The following RIPK1 variants were observed in gnomAD, a reference collection of about 807,000 sequenced individuals.
The protein encoded by RIPK1 is receptor interacting serine/threonine kinase 1, also known as receptor-interacting serine/threonine-protein kinase 1.
RIPK1 carries 27 observed loss-of-function variants against 62.4 expected under a neutral mutation model. The ratio of observed to expected loss-of-function variants is 0.43; its 90% CI spans 0.32 to 0.60. The LOEUF (loss-of-function observed/expected upper bound fraction) is 0.60. RIPK1 is among the 20% of genes least tolerant of loss of function. The pLI is 0.07. For missense variants in RIPK1, 735 were observed against 831.0 expected, an observed-to-expected ratio of 0.88 and a Z score of 1.42; for synonymous variants, 287 against 303.2, an observed-to-expected ratio of 0.95 and a Z score of 0.55.
At chr6:3,069,502 C>T (rs1228285100) in intron 1 of RIPK1, among the ~76,000 whole-genome samples, 1 of 152,202 alleles carries the variant, frequency 6.6e-6, no homozygotes, top group Non-Finnish European at 1.5e-5. Flanking sequence ...TTAGTTCTTT[C>T]TCTCTTGCTG....
At position 3,080,971 on chromosome 6, in the gene RIPK1, T is replaced by G; in HGVS notation, c.322-8T>G. The G allele has an allele frequency of 6.2e-7, 1 of 1,612,484 alleles. No homozygotes were observed. The highest frequency in any genetic ancestry group is 8.5e-7 in the Non-Finnish European group (1 of 1,179,116). On this transcript the variant is annotated splice_polypyrimidine_tract_variant and splice_region_variant and intron_variant, in intron 3 of 10. Transcript: ENST00000259808. Reference sequence around the variant, plus strand: ...TCCATTTCATAGACTTAATATCACTTGTTTTAGATGAGTACTCCGCTTTCT... The same window carrying G: ...TCCATTTCATAGACTTAATATCACTGGTTTTAGATGAGTACTCCGCTTTCT...
rs1346444613 is a variant in RIPK1, at chr6:3,083,263, G to A, written c.638G>A (p.Ser213Asn). Residue 213 changes from serine to asparagine, a missense_variant, in exon 5 of 11, where the codon AGC becomes AAC. Physicochemically the swap from Ser to Asn is conservative, Grantham distance 46. Transcript: ENST00000259808. ...AKPTEKSDVY[S>N]FAVVLWAIFA... Reference sequence around the variant, plus strand: ...CCCACAGAGAAGTCGGATGTGTACAGCTTTGCTGTAGTACTCTGGGCGATA... The same window carrying A: ...CCCACAGAGAAGTCGGATGTGTACAACTTTGCTGTAGTACTCTGGGCGATA... The A allele has an allele frequency of 1.2e-6, 2 of 1,613,730 alleles. No homozygotes were observed. The highest frequency in any genetic ancestry group is 1.7e-6 in the Non-Finnish European group (2 of 1,180,010).
chr6:3,089,333 G>A (rs77984996), intron 6 of RIPK1, among the ~76,000 whole-genome samples: 1 of 152,308 alleles, frequency 6.6e-6, no homozygotes, highest in African/African-American at 2.4e-5. Flanking sequence ...AGAAACTGCA[G>A]CACGAATAAA....
intron 1 of RIPK1, among the ~76,000 whole-genome samples, chr6:3,070,072 A>G (rs1758626368): frequency 6.6e-6 from 1 of 152,232 alleles, no homozygotes. Context: ...AAAAGTGAAG[A>G]CTAGGCTTGT....
chr6:3,064,212 G>A (rs1390920225), upstream of RIPK1, among the ~76,000 whole-genome samples: 1 of 151,852 alleles, frequency 6.6e-6, no homozygotes, highest in Admixed American at 6.6e-5. Flanking sequence ...GGTCAGCAAC[G>A]GTCTGTGGGG....
At chr6:3,110,672 G>GA (rs1414705069) in intron 9 of RIPK1, 131 bp from the exon 10 acceptor site, 1 of 521,860 alleles carries the variant, frequency 1.9e-6, no homozygotes, top group African/African-American at 2.0e-5. Context: ...TTTGAAAGAA[G>GA]AAAAGTTTAA....
At chr6:3,097,962 G>A (rs1282163434) in intron 7 of RIPK1, among the ~76,000 whole-genome samples, 1 of 152,202 alleles carries the variant, frequency 6.6e-6, no homozygotes, top group East Asian at 1.9e-4. Context: ...TTGGGAGGCT[G>A]AGGTGGGAGG....
At chr6:3,073,499 C>T (rs141697035) in intron 1 of RIPK1, among the ~76,000 whole-genome samples, 2,241 of 152,228 alleles carry the variant, frequency 0.015, 14 homozygotes, top group Non-Finnish European at 0.022. Flanking sequence ...GGTCTCTTAC[C>T]TCACGCGTGT....
At chr6:3,066,099 C>T (rs1225161008), upstream of RIPK1, among the ~76,000 whole-genome samples, 1 of 152,174 alleles carries the variant, frequency 6.6e-6, no homozygotes, top group African/African-American at 2.4e-5. Flanking sequence ...TCTTGGCTCA[C>T]TGCAACCTCC....
Position 3,076,790 on chromosome 6 carries a change from A to G in RIPK1, c.-34A>G, listed in dbSNP as rs748246984. On this transcript the variant is annotated 5_prime_UTR_variant, in exon 2 of 11. Coordinates refer to ENST00000259808, the MANE Select transcript of RIPK1 (RefSeq NM_001354930.2). ...GTACAGCTCTGCCGGGGGGGGAAAA[A>G]GTGGTACCATTTTGGGCGTTCTTGA... 24 of 1,604,632 alleles carry G rather than the reference A, an allele frequency of 1.5e-5. No homozygotes were observed. The highest frequency in any genetic ancestry group is 2.0e-5 in the Non-Finnish European group (23 of 1,176,090).
intron 6 of RIPK1, among the ~76,000 whole-genome samples, chr6:3,089,369 G>T (rs1472849610): frequency 6.6e-6 from 1 of 152,180 alleles, no homozygotes; most frequent in Non-Finnish European, 1.5e-5. Flanking sequence ...AGGCTATTGA[G>T]GCAGAAACCC....
In RIPK1 at chr6:3,068,663, TGAGCGGACTGGCACCGC is replaced by T; in HGVS notation, c.-61+4_-61+20del. 1.0e-6 allele frequency: 1 copy of T among 984,996 alleles called. No homozygotes were observed. Among genetic ancestry groups the T allele is most frequent in the South Asian group, 4.7e-5 (1 of 21,272 alleles). 61.0% of individuals were successfully genotyped at this position (984,996 alleles called of 1,614,324 possible). ...GGCGCGGCCACGGAGAAGGGCGCGG[TGAGCGGACTGGCACCGC>T]GCGGGGAACATTCCGGAGGCCGCCG... On this transcript the variant is annotated splice_donor_5th_base_variant and intron_variant, in intron 1 of 10. Coordinates refer to ENST00000259808, the MANE Select transcript of RIPK1 (RefSeq NM_001354930.2).
intron 7 of RIPK1, among the ~76,000 whole-genome samples, chr6:3,096,719 C>A (rs1217906082): frequency 6.9e-6 from 1 of 145,842 alleles, no homozygotes; most frequent in Non-Finnish European, 1.5e-5. Flanking sequence ...ACCACCACAC[C>A]CAGCGAATTT....
At chr6:3,073,036 T>C (rs1581377980) in intron 1 of RIPK1, among the ~76,000 whole-genome samples, 2 of 152,114 alleles carry the variant, frequency 1.3e-5, no homozygotes, top group African/African-American at 2.4e-5. Context: ...TAAACACATG[T>C]GGGCGGCTGG....
intron 6 of RIPK1, among the ~76,000 whole-genome samples, chr6:3,087,263 T>TTA (rs906903514): frequency 1.3e-5 from 2 of 152,264 alleles, no homozygotes; most frequent in African/African-American, 4.8e-5. Context: ...GGTTTATGCC[T>TTA]CTTAAACCAT....
At chr6:3,111,235 T>C (rs1761141181) in intron 10 of RIPK1, among the ~76,000 whole-genome samples, 1 of 152,182 alleles carries the variant, frequency 6.6e-6, no homozygotes, top group African/African-American at 2.4e-5. Flanking sequence ...TAGTAAGTTC[T>C]ATAAAAAGTG....
chr6:3,094,266 C>T (rs997870641), intron 7 of RIPK1, among the ~76,000 whole-genome samples: 1 of 152,128 alleles, frequency 6.6e-6, no homozygotes, highest in African/African-American at 2.4e-5. Context: ...CAAGAACATA[C>T]AGAGCATTTT....
At chr6:3,090,592 A>C (rs1759999996) in intron 7 of RIPK1, among the ~76,000 whole-genome samples, 1 of 152,158 alleles carries the variant, frequency 6.6e-6, no homozygotes, top group African/African-American at 2.4e-5. Context: ...ACAGAACTCA[A>C]AGAAAAACAG....
At chr6:3,080,934 T>C in intron 3 of RIPK1, 45 bp from the exon 4 acceptor site, 1 of 1,595,246 alleles carries the variant, frequency 6.3e-7, no homozygotes, top group Non-Finnish European at 8.6e-7. Context: ...CTTTGGCCTA[T>C]TTGATAACCT....
Sources: gnomAD v4.1 joint callset for allele counts (sites outside exome capture counted in the v4.1 genomes callset) on GRCh38, gnomAD v4.1.1 for gene constraint, MANE v1.5 for transcripts, NCBI Gene and HGNC (gene_info 2026-07-23, HGNC 2026-07-21) for gene names.